Variants in PTPRT observed in about 807,000 individuals in gnomAD.
PTPRT encodes the protein protein tyrosine phosphatase receptor type T, also known as receptor-type tyrosine-protein phosphatase T.
A neutral mutation model predicts 176.8 loss-of-function variants in PTPRT; 56 were observed. That is an observed-to-expected ratio of 0.32 (90% CI 0.26 to 0.40). The LOEUF is 0.40. PTPRT is among the 10% of genes least tolerant of loss of function. The probability of loss-of-function intolerance (pLI) is 1.00; values close to 1 mark genes in which losing one functional copy is unlikely to be tolerated. For synonymous variants in PTPRT, 783 were observed against 739.0 expected (o/e 1.06, Z -0.96); for missense variants, 1,540 against 1,908.2 (o/e 0.81, Z 3.60).
At chr20:42,514,187 C>T (rs1323113500) in intron 7 of PTPRT, among the ~76,000 whole-genome samples, 1 of 152,138 alleles carries the variant, frequency 6.6e-6, no homozygotes, top group Non-Finnish European at 1.5e-5. Flanking sequence ...TCATCTTTTG[C>T]TTTATAATAA....
At chr20:42,489,395 C>G (rs1450333771) in intron 7 of PTPRT, among the ~76,000 whole-genome samples, 1 of 152,040 alleles carries the variant, frequency 6.6e-6, no homozygotes, top group Non-Finnish European at 1.5e-5. Context: ...TTCACTTTCC[C>G]CTGTTGACCT....
At chr20:42,211,623 C>A (rs1194548656) in intron 15 of PTPRT, among the ~76,000 whole-genome samples, 7 of 148,338 alleles carry the variant, frequency 4.7e-5, no homozygotes, top group Non-Finnish European at 9.0e-5. Flanking sequence ...GTTAGAATGG[C>A]CATCATTAAA....
intron 12 of PTPRT, among the ~76,000 whole-genome samples, chr20:42,295,894 G>T (rs577275044): frequency 1.3e-5 from 2 of 152,254 alleles, no homozygotes; most frequent in Admixed American, 6.5e-5. Context: ...CCTTTGCTTC[G>T]CACGTCTCTC....
chr20:43,148,931 T>C (rs2146415966), intron 1 of PTPRT, among the ~76,000 whole-genome samples: 1 of 152,300 alleles, frequency 6.6e-6, no homozygotes, highest in Middle Eastern at 3.4e-3. Context: ...TTGAGGTAGG[T>C]CAGAGATGTT....
At chr20:42,645,644 G>T (rs1175239321) in intron 7 of PTPRT, among the ~76,000 whole-genome samples, 1 of 152,034 alleles carries the variant, frequency 6.6e-6, no homozygotes, top group Non-Finnish European at 1.5e-5. Context: ...AGTACAGGCG[G>T]CTACAACAAA....
In PTPRT at chr20:42,550,285, G is replaced by C. The variant is rs17736235; in HGVS notation, c.1154-77723C>G. ...CTCCAGACCACCGTTCCAATTTCTT[G>C]AAGGGACTCACTAGCAAATGAAAAT... On this transcript the variant is annotated intron_variant, in intron 7 of 30. Coordinates refer to ENST00000373187, the MANE Select transcript of PTPRT (RefSeq NM_007050.6). 3.5e-3 allele frequency among the ~76,000 whole-genome samples: 531 copies of C among 152,162 alleles called. 8 individuals are homozygous for C. Among genetic ancestry groups the C allele is most frequent in the African/African-American group, 0.012 (512 of 41,514 alleles).
chr20:42,202,850 G>C (rs1392655731), intron 15 of PTPRT, among the ~76,000 whole-genome samples: 1 of 152,156 alleles, frequency 6.6e-6, no homozygotes, highest in African/African-American at 2.4e-5. Context: ...CTTAGGCACA[G>C]ATCATTGGTT....
At chr20:42,115,409 C>T (rs1987227131) in intron 21 of PTPRT, 94 bp from the exon 22 acceptor site, 2 of 969,642 alleles carry the variant, frequency 2.1e-6, no homozygotes, top group Admixed American at 3.5e-5. Flanking sequence ...ATCTGGTCGT[C>T]CCATCCAAAT....
chr20:42,164,922 G>T (rs1282775017), intron 16 of PTPRT, among the ~76,000 whole-genome samples: 1 of 152,028 alleles, frequency 6.6e-6, no homozygotes, highest in Non-Finnish European at 1.5e-5. Context: ...TCTGATTTAT[G>T]GGTTTGGTAT....
chr20:42,683,066 C>G (rs1192587498), intron 6 of PTPRT, among the ~76,000 whole-genome samples: 2 of 151,994 alleles, frequency 1.3e-5, no homozygotes, highest in Non-Finnish European at 2.9e-5. Flanking sequence ...TTACACCACA[C>G]GTCTCACCCC....
chr20:42,392,520 C>G (rs1018595828), intron 9 of PTPRT, among the ~76,000 whole-genome samples: 4 of 152,078 alleles, frequency 2.6e-5, no homozygotes, highest in African/African-American at 9.7e-5. Flanking sequence ...TTGCAATGAC[C>G]TACAGTTCAC....
At chr20:42,519,740 G>T (rs561065242) in intron 7 of PTPRT, among the ~76,000 whole-genome samples, 1 of 151,912 alleles carries the variant, frequency 6.6e-6, no homozygotes, top group Non-Finnish European at 1.5e-5. Flanking sequence ...GTATTCTGAC[G>T]TCCAAACATA....
the PTPRT span, among the ~76,000 whole-genome samples, chr20:42,063,159 T>C: frequency 3.3e-5 from 5 of 152,212 alleles, no homozygotes; most frequent in African/African-American, 1.2e-4. Flanking sequence ...TCCTTTTTGT[T>C]AGAGTGTATA....
At position 42,924,492 on chromosome 20, in the gene PTPRT, CA is replaced by C. The variant is rs370719549; in HGVS notation, c.89-38561del. The stretch of plus-strand genomic sequence containing the variant: ...TGTCCAACAGTACTCCTATAAGGAG[CA>C]AAATTGGTGAGAGGAGCCCACACTT... On this transcript the variant is annotated intron_variant, in intron 1 of 30. Coordinates refer to ENST00000373187, the MANE Select transcript of PTPRT (RefSeq NM_007050.6). Among the ~76,000 whole-genome samples the C allele has an allele frequency of 1.6e-4, 24 of 152,288 alleles. No homozygotes were observed. In the East Asian group the frequency reaches 3.9e-3, roughly 24 times the overall value.
chr20:42,126,531 T>C (rs1411051289), intron 19 of PTPRT, among the ~76,000 whole-genome samples: 1 of 152,220 alleles, frequency 6.6e-6, no homozygotes, highest in Non-Finnish European at 1.5e-5. Context: ...TATAAACCCT[T>C]CTTGCCTGGC....
chr20:42,403,361 C>T (rs547738044), intron 9 of PTPRT, among the ~76,000 whole-genome samples: 1 of 152,262 alleles, frequency 6.6e-6, no homozygotes, highest in Non-Finnish European at 1.5e-5. Context: ...CAATGACTAG[C>T]TTTGTGAGCA....
intron 1 of PTPRT, among the ~76,000 whole-genome samples, chr20:42,946,343 C>T (rs969528706): frequency 2.0e-5 from 3 of 152,198 alleles, no homozygotes; most frequent in Non-Finnish European, 4.4e-5. Context: ...CCAGCCCTGG[C>T]CAGTCCTGGG....
At chr20:42,659,128 G>A (rs1251146779) in intron 7 of PTPRT, among the ~76,000 whole-genome samples, 1 of 151,902 alleles carries the variant, frequency 6.6e-6, no homozygotes, top group Non-Finnish European at 1.5e-5. Context: ...CCATTAAGAC[G>A]TGAATACCTG....
intron 7 of PTPRT, among the ~76,000 whole-genome samples, chr20:42,663,372 T>C (rs916544143): frequency 2.0e-5 from 3 of 152,182 alleles, no homozygotes; most frequent in Non-Finnish European, 4.4e-5. Flanking sequence ...AGTTCTATGC[T>C]GGGCAGGACG....
Sources: gnomAD v4.1 joint callset for allele counts (sites outside exome capture counted in the v4.1 genomes callset) on GRCh38, gnomAD v4.1.1 for gene constraint, MANE v1.5 for transcripts, NCBI Gene and HGNC (gene_info 2026-07-23, HGNC 2026-07-21) for gene names.